The following ALDH4A1 variants were observed in gnomAD, a reference collection of about 807,000 sequenced individuals.
ALDH4A1 encodes the protein aldehyde dehydrogenase 4 family member A1.
ALDH4A1 carries 46 observed loss-of-function variants against 70.5 expected under a neutral mutation model. The ratio of observed to expected loss-of-function variants is 0.65; its 90% CI spans 0.51 to 0.83. The LOEUF (loss-of-function observed/expected upper bound fraction) is 0.83, where lower values mean the gene tolerates loss of function less well. Ranked by LOEUF, ALDH4A1 falls within the 40% of genes least tolerant of loss-of-function variation. The pLI is 0.00. For synonymous variants in ALDH4A1, 323 were observed against 324.3 expected (o/e 1.00, Z 0.04); for missense variants, 749 against 766.5 (o/e 0.98, Z 0.27).
rs746880995 is a variant in ALDH4A1, at chr1:18,879,366, T to G, written c.874A>C (p.Lys292Gln). 56 of 1,610,686 alleles carry G rather than the reference T, an allele frequency of 3.5e-5. No individual in the cohort carries two copies. Among genetic ancestry groups the G allele is most frequent in the Non-Finnish European group, 4.2e-5 (49 of 1,178,742 alleles). ...TGGGCCACCTGCTTCCACAGGTGTT[T>G]GAAGGTGCTGGAACCACAGGAGAAA... ...INFTGSVPTF[K>Q]HLWKQVAQNL... Residue 292 changes from lysine to glutamine, a missense_variant, in exon 9 of 15, where the codon AAA (lysine) becomes CAA (glutamine). Coordinates refer to ENST00000375341, the MANE Select transcript of ALDH4A1 (RefSeq NM_003748.4).
intron 1 of ALDH4A1, among the ~76,000 whole-genome samples, chr1:18,901,340 G>A (rs1399613350): frequency 6.6e-6 from 1 of 152,220 alleles, no homozygotes. Flanking sequence ...TCCCTTGGGG[G>A]AAGGGAGAGG....
At position 18,885,578 on chromosome 1, in the gene ALDH4A1, C is replaced by A; in HGVS notation, c.348G>T (p.Trp116Cys). 6.2e-7 allele frequency: 1 copy of A among 1,613,744 alleles called. No individual in the cohort carries two copies. Among genetic ancestry groups the A allele is most frequent in the Non-Finnish European group, 8.5e-7 (1 of 1,179,922 alleles). The change falls in exon 5 of 15, where the codon TGG (tryptophan) becomes TGT (cysteine). Residue 116 changes from tryptophan (W) to cysteine (C), a missense_variant. Coordinates refer to ENST00000375341, the MANE Select transcript of ALDH4A1 (RefSeq NM_003748.4). ...IEAALAARKEWDLKPIADRAQ... is the reference protein window; with the variant it reads ...IEAALAARKECDLKPIADRAQ... ...CCCGGTCTGCAATAGGCTTCAGGTC[C>A]CACTCTTTCCGGGCAGCCAGGGCAG... is the stretch of plus-strand genomic sequence containing the variant.
chr1:18,879,106 G>A (rs1197348366), intron 9 of ALDH4A1, among the ~76,000 whole-genome samples, 194 bp downstream of exon 9: 2 of 152,252 alleles, frequency 1.3e-5, no homozygotes, highest in Non-Finnish European at 2.9e-5. Flanking sequence ...TGTGTGGCTG[G>A]TGGCTGCATA....
At chr1:18,893,312 G>A (rs1049647028) in intron 1 of ALDH4A1, among the ~76,000 whole-genome samples, 24 of 152,206 alleles carry the variant, frequency 1.6e-4, no homozygotes, top group South Asian at 2.1e-4. Context: ...TCAGAGCAGC[G>A]TGAGCTATGT....
At chr1:18,877,848 A>T (rs959027818) in intron 9 of ALDH4A1, among the ~76,000 whole-genome samples, 2 of 152,224 alleles carry the variant, frequency 1.3e-5, no homozygotes, top group African/African-American at 4.8e-5. Flanking sequence ...GAAGGGCATC[A>T]GAGGTGATCA....
chr1:18,881,171 C>T (rs1934950286), intron 8 of ALDH4A1, among the ~76,000 whole-genome samples: 1 of 152,128 alleles, frequency 6.6e-6, no homozygotes, highest in African/African-American at 2.4e-5. Flanking sequence ...CCTGTCGCCC[C>T]CAAACTCCAC....
In ALDH4A1 at chr1:18,898,340, AAACC is replaced by A. The variant is rs1019066356; in HGVS notation, c.62+4118_62+4121del. On this transcript the variant is annotated intron_variant, in intron 1 of 14. Transcript: ENST00000375341. This position sits in a 1 kb window ranked among gnomAD's most constrained non-coding sequence, Gnocchi z 4.3. ...CTGTCTCCAAAACAAACAAACAAAC[AAACC>A]AACAATAATAACAGAAGAGGTTTGG... Among the ~76,000 whole-genome samples the A allele has an allele frequency of 6.6e-6, 1 of 152,124 alleles. No homozygotes were observed. Among genetic ancestry groups the A allele is most frequent in the African/African-American group, 2.4e-5 (1 of 41,400 alleles).
chr1:18,876,682 C>T (rs1018211953), intron 11 of ALDH4A1, among the ~76,000 whole-genome samples: 1 of 2,682 alleles, frequency 3.7e-4, no homozygotes, highest in Admixed American at 5.0e-3. Flanking sequence ...TGTGTGTGTA[C>T]ACACACAAGT....
In ALDH4A1 at chr1:18,874,551, C is replaced by G; in HGVS notation, c.1491G>C (p.Leu497=). ...TGTAGAAGTTGCCGGCAGCATTCCT[C>G]AGCACCTTTGTGGCCTCCTGCACGA... is the stretch of plus-strand genomic sequence containing the variant. ...KDVVQEATKV[L]RNAAGNFYIN... The change falls in exon 14 of 15, where the codon CTG becomes CTC. Residue 497 remains leucine, a synonymous_variant. Coordinates refer to ENST00000375341, the MANE Select transcript of ALDH4A1 (RefSeq NM_003748.4). The G allele has an allele frequency of 6.2e-7, 1 of 1,614,230 alleles. No homozygotes were observed. Among genetic ancestry groups the G allele is most frequent in the Non-Finnish European group, 8.5e-7 (1 of 1,180,030 alleles).
At chr1:18,873,966 G>C (rs1934561291) in intron 14 of ALDH4A1, among the ~76,000 whole-genome samples, 1 of 152,172 alleles carries the variant, frequency 6.6e-6, no homozygotes, top group Admixed American at 6.5e-5. Context: ...TTAACCTGTG[G>C]GGTCTGCACT....
rs559023116 is a variant in ALDH4A1, at chr1:18,890,664, A to T, written c.63-559T>A. The T allele has an allele frequency of 3.9e-5, 38 of 985,326 alleles. No individual in the cohort carries two copies. In the South Asian group the frequency reaches 1.8e-3, roughly 46 times the overall value. 61.0% of individuals were successfully genotyped at this position (985,326 alleles called of 1,614,324 possible). ...CTCCTGTGAACGTGGTTCTACGTCT[A>T]TCAAGTAAGAATAATCGCACCGAAC... On this transcript the variant is annotated intron_variant, in intron 1 of 14. Coordinates refer to ENST00000375341, the MANE Select transcript of ALDH4A1 (RefSeq NM_003748.4).
At chr1:18,893,629 A>G (rs1205983433) in intron 1 of ALDH4A1, among the ~76,000 whole-genome samples, 6 of 152,026 alleles carry the variant, frequency 3.9e-5, no homozygotes, top group Admixed American at 3.9e-4. Context: ...CAGCCTCCCA[A>G]GTAGCTGGGA....
chr1:18,890,100 C>T lies in ALDH4A1; in HGVS notation c.68G>A (p.Arg23Gln), dbSNP rs370773796. Residue 23 changes from arginine to glutamine, a missense_variant, in exon 2 of 15, where the codon CGG becomes CAG. Arg to Gln is a conservative substitution (Grantham distance 43). Transcript: ENST00000375341. ...LSRPWTGAGL[R>Q]WKHTSSLKVA... ...CTTCAGGGAGGAGGTGTGCTTCCAC[C>T]GCAGGCTGGAACACAAGGGCAGGGG... The T allele has an allele frequency of 3.1e-6, 5 of 1,611,184 alleles. No homozygotes were observed. The highest frequency in any genetic ancestry group is 2.2e-5 in the East Asian group (1 of 44,834).
intron 1 of ALDH4A1, chr1:18,897,270 C>T (rs1935652924): frequency 2.9e-6 from 1 of 340,706 alleles, no homozygotes; most frequent in African/African-American, 2.2e-5. Flanking sequence ...CGGCCAGGCG[C>T]AGTGGCTCAT....
chr1:18,883,440 A>C lies in ALDH4A1; in HGVS notation c.454-12T>G, dbSNP rs539821583. 11 of 1,613,072 alleles carry C rather than the reference A, an allele frequency of 6.8e-6. No homozygotes were observed. In the South Asian group the frequency reaches 1.1e-4, roughly 16 times the overall value. On this transcript the variant is annotated splice_polypyrimidine_tract_variant and intron_variant, in intron 5 of 14. Transcript: ENST00000375341. ...ATCACGGTCTTACCCTGCAAGGCAG[A>C]GGGCCGGGGGTCAGGAGCAGCCAAC... is the stretch of plus-strand genomic sequence containing the variant.
In ALDH4A1 at chr1:18,883,555, G is replaced by A. The variant is rs573916974; in HGVS notation, c.454-127C>T. On this transcript the variant is annotated intron_variant, in intron 5 of 14. Transcript: ENST00000375341. Reference sequence around the variant, plus strand: ...CAGGAGGGACCAGGAAACATTTGGAGGGCTCACCAGGTCCCATCCCAGGGG... The same window carrying A: ...CAGGAGGGACCAGGAAACATTTGGAAGGCTCACCAGGTCCCATCCCAGGGG... The A allele has an allele frequency of 2.1e-4, 279 of 1,321,252 alleles. 2 individuals are homozygous for A. The African/African-American group carries it at 3.7e-3, about 17-fold the overall frequency. 81.8% of individuals were successfully genotyped at this position (1,321,252 alleles called of 1,614,324 possible).
intron 1 of ALDH4A1, among the ~76,000 whole-genome samples, chr1:18,895,100 T>C (rs2100606516): frequency 6.6e-6 from 1 of 152,326 alleles, no homozygotes; most frequent in African/African-American, 2.4e-5. Flanking sequence ...ATCAGGTCAA[T>C]AACAGCTCAC....
At chr1:18,876,696 C>CGTGTGTGTGTGTGTGTGT (rs1310418932) in intron 11 of ALDH4A1, among the ~76,000 whole-genome samples, 1 of 21,114 alleles carries the variant, frequency 4.7e-5, no homozygotes, top group Non-Finnish European at 1.9e-4. Context: ...CACAAGTGTA[C>CGTGTGTGTGTGTGTGTGT]GTGTGTTAGT....
At chr1:18,897,035 A>G (rs754304556) in intron 1 of ALDH4A1, 3 of 532,392 alleles carry the variant, frequency 5.6e-6, no homozygotes, top group South Asian at 2.8e-5. Context: ...ATCTCACTGA[A>G]TCCACCACAT....
Sources: allele counts gnomAD v4.1 joint callset (sites outside exome capture counted in the v4.1 genomes callset), GRCh38; gene constraint gnomAD v4.1.1; non-coding constraint Gnocchi (gnomAD v3.1); transcripts MANE v1.5; gene names NCBI Gene and HGNC (gene_info 2026-07-23, HGNC 2026-07-21).